Variants in SDK1 observed in about 807,000 individuals in gnomAD.
SDK1 encodes protein sidekick-1.
In SDK1, 157 loss-of-function variants were observed where a neutral mutation model predicts 245.5. The ratio of observed to expected loss-of-function variants is 0.64; its 90% CI spans 0.56 to 0.73. SDK1 has a LOEUF of 0.73. Ranked by LOEUF, SDK1 falls within the 30% of genes least tolerant of loss-of-function variation. The pLI is 0.00. For synonymous variants in SDK1, 1,647 were observed against 1,278.5 expected, an observed-to-expected ratio of 1.29 and a Z score of -6.15; for missense variants, 3,583 against 3,002.3, an observed-to-expected ratio of 1.19 and a Z score of -4.52.
chr7:3,559,344 C>T (rs6462164), intron 1 of SDK1, among the ~76,000 whole-genome samples: 7,704 of 151,972 alleles, frequency 0.051, 381 homozygotes, highest in East Asian at 0.16. Context: ...GTATTGTCCG[C>T]GGTTATGCAG....
At chr7:3,619,914 C>G (rs1781882588) in intron 2 of SDK1, among the ~76,000 whole-genome samples, 1 of 152,110 alleles carries the variant, frequency 6.6e-6, no homozygotes, top group Admixed American at 6.5e-5. Flanking sequence ...GCCTTTGGAG[C>G]CTCAGGGTCT....
chr7:3,389,048 C>T (rs903200564), intron 1 of SDK1, among the ~76,000 whole-genome samples: 1 of 152,076 alleles, frequency 6.6e-6, no homozygotes, highest in Non-Finnish European at 1.5e-5. Flanking sequence ...AAAGGCCTCT[C>T]AGGAAATGAC....
At chr7:3,324,125 C>A (rs1461337683) in intron 1 of SDK1, among the ~76,000 whole-genome samples, 3 of 152,096 alleles carry the variant, frequency 2.0e-5, no homozygotes, top group Non-Finnish European at 4.4e-5. Flanking sequence ...TGTTTTTCTC[C>A]TTTTTCACAT....
chr7:3,729,517 A>G (rs2115039039), intron 4 of SDK1, among the ~76,000 whole-genome samples: 1 of 152,334 alleles, frequency 6.6e-6, no homozygotes. Context: ...CCTGAAATTC[A>G]CAACCTCTCA....
intron 1 of SDK1, among the ~76,000 whole-genome samples, chr7:3,408,007 G>C (rs539722589): frequency 6.6e-6 from 1 of 152,110 alleles, no homozygotes; most frequent in Non-Finnish European, 1.5e-5. Flanking sequence ...GCAAAGGCGA[G>C]TGTATGATAA....
chr7:3,877,658 CAG>C (rs1265158210), intron 5 of SDK1, among the ~76,000 whole-genome samples: 5 of 152,234 alleles, frequency 3.3e-5, no homozygotes, highest in Admixed American at 2.6e-4. Flanking sequence ...TCCTATCACA[CAG>C]AGTTAACCAC....
chr7:3,820,150 T>C (rs1779608629), intron 4 of SDK1, among the ~76,000 whole-genome samples: 1 of 152,038 alleles, frequency 6.6e-6, no homozygotes, highest in Non-Finnish European at 1.5e-5. Flanking sequence ...CACATTCATA[T>C]TTTTTTTCTT....
chr7:3,479,313 T>G (rs1781438449), intron 1 of SDK1, among the ~76,000 whole-genome samples: 1 of 150,844 alleles, frequency 6.6e-6, no homozygotes, highest in African/African-American at 2.4e-5. Context: ...TCCCAGCTAC[T>G]TGGGAGGCTG....
chr7:3,521,266 C>T (rs760329431), intron 1 of SDK1, among the ~76,000 whole-genome samples: 1 of 152,166 alleles, frequency 6.6e-6, no homozygotes, highest in Non-Finnish European at 1.5e-5. Context: ...TTTAAGAGAT[C>T]ATGTGATTAG....
At chr7:3,487,058 T>C (rs980968605) in intron 1 of SDK1, among the ~76,000 whole-genome samples, 7 of 152,208 alleles carry the variant, frequency 4.6e-5, no homozygotes, top group African/African-American at 1.7e-4. Flanking sequence ...CAGCTCGCCA[T>C]TGTGTTGTGA....
At chr7:3,615,758 A>T (rs746599226) in intron 1 of SDK1, among the ~76,000 whole-genome samples, 1 of 151,654 alleles carries the variant, frequency 6.6e-6, no homozygotes, top group African/African-American at 2.4e-5. Flanking sequence ...GGATCACTGC[A>T]GTGGCCTCTG....
intron 1 of SDK1, among the ~76,000 whole-genome samples, chr7:3,425,663 A>G (rs945737513): frequency 6.6e-6 from 1 of 152,224 alleles, no homozygotes; most frequent in Non-Finnish European, 1.5e-5. Flanking sequence ...AATGATAGAA[A>G]TGTATTTGTT....
intron 1 of SDK1, among the ~76,000 whole-genome samples, chr7:3,580,009 G>A (rs1780430109): frequency 6.6e-6 from 1 of 152,158 alleles, no homozygotes; most frequent in Non-Finnish European, 1.5e-5. Context: ...CATCCAAGCT[G>A]AGAGCCAAGT....
chr7:3,393,712 C>G (rs1316030615), intron 1 of SDK1, among the ~76,000 whole-genome samples: 1 of 152,080 alleles, frequency 6.6e-6, no homozygotes, highest in Non-Finnish European at 1.5e-5. Context: ...TTATTTCAAT[C>G]TCTGTTAAAT....
chr7:3,818,703 C>A (rs1290905918), intron 4 of SDK1, among the ~76,000 whole-genome samples: 1 of 152,222 alleles, frequency 6.6e-6, no homozygotes, highest in East Asian at 1.9e-4. Flanking sequence ...AGTCCCCAGA[C>A]AGGACAGGCT....
At chr7:3,779,459 T>TAA (rs200775395) in intron 4 of SDK1, among the ~76,000 whole-genome samples, 22 of 145,364 alleles carry the variant, frequency 1.5e-4, no homozygotes, top group Non-Finnish European at 1.2e-4. Context: ...CTATTTTTTT[T>TAA]AAAAAAAAAA....
intron 4 of SDK1, among the ~76,000 whole-genome samples, chr7:3,688,098 T>A (rs190522628): frequency 6.6e-6 from 1 of 152,332 alleles, no homozygotes; most frequent in African/African-American, 2.4e-5. Context: ...GCTGAGACAA[T>A]CAGTGCTCAG....
intron 13 of SDK1, among the ~76,000 whole-genome samples, chr7:3,986,185 G>C (rs1783814005): frequency 7.2e-6 from 1 of 138,668 alleles, no homozygotes; most frequent in African/African-American, 2.5e-5. Flanking sequence ...CACTGGTTAA[G>C]TCCCAGTAAA....
intron 7 of SDK1, among the ~76,000 whole-genome samples, chr7:3,956,201 T>C (rs1421034534): frequency 6.6e-6 from 1 of 152,186 alleles, no homozygotes; most frequent in Non-Finnish European, 1.5e-5. Flanking sequence ...AGACATGCCC[T>C]CGCCCTCTTG....
Sources: gnomAD v4.1 joint callset for allele counts (sites outside exome capture counted in the v4.1 genomes callset) on GRCh38, gnomAD v4.1.1 for gene constraint, MANE v1.5 for transcripts, NCBI Gene and HGNC (gene_info 2026-07-23, HGNC 2026-07-21) for gene names.